The following VCL variants were observed in gnomAD, a reference collection of about 807,000 sequenced individuals.
VCL encodes epididymis luminal protein 114.
Under a neutral mutation model 125.7 loss-of-function variants are expected in VCL, and 47 were observed. The observed-to-expected ratio is 0.37, with a 90% CI of 0.30 to 0.48. The LOEUF (loss-of-function observed/expected upper bound fraction) is 0.48, where lower values mean the gene tolerates loss of function less well. Among genes scored for constraint, VCL ranks in the 20% least tolerant of loss-of-function variants. The probability of loss-of-function intolerance (pLI) is 0.99; values close to 1 mark genes in which losing one functional copy is unlikely to be tolerated. For missense variants in VCL, 1,069 were observed against 1,455.5 expected, an observed-to-expected ratio of 0.73 and a Z score of 4.32; for synonymous variants, 458 against 514.6, an observed-to-expected ratio of 0.89 and a Z score of 1.49.
intron 17 of VCL, among the ~76,000 whole-genome samples, chr10:74,108,064 A>G (rs1386981208): frequency 6.6e-6 from 1 of 152,208 alleles, no homozygotes; most frequent in Non-Finnish European, 1.5e-5. Flanking sequence ...TAATGTCAGT[A>G]AAAGATGTTA....
At position 74,105,192 on chromosome 10, in the gene VCL, G is replaced by A. The variant is rs371970354; in HGVS notation, c.2273G>A (p.Arg758His). The A allele has an allele frequency of 2.5e-5, 41 of 1,614,022 alleles. No homozygotes were observed. The highest frequency in any genetic ancestry group is 6.7e-5 in the Admixed American group (4 of 60,004). The change falls in exon 16 of 22, where the codon CGT becomes CAT. Residue 758 changes from arginine to histidine, a missense_variant. Transcript: ENST00000211998. ...GTTGCTGGGGCAACCAGTATTGCTC[G>A]TCGGGCCAACCGGATCCTGCTGGTG... ...MLVAGATSIA[R>H]RANRILLVAK...
chr10:74,042,425 C>T lies in VCL; in HGVS notation c.169-658C>T, dbSNP rs377750054. 4.6e-5 allele frequency among the ~76,000 whole-genome samples: 7 copies of T among 151,982 alleles called. No homozygotes were observed. The East Asian group carries it at 7.7e-4, about 17-fold the overall frequency. ...TCCCAGGTATGACTTTTTTTATGTCCGCTAACAAATTCTAGCAAGTGATTT... is the reference window on the plus strand; with the variant it reads ...TCCCAGGTATGACTTTTTTTATGTCTGCTAACAAATTCTAGCAAGTGATTT... On this transcript the variant is annotated intron_variant, in intron 1 of 21. Coordinates refer to ENST00000211998, the MANE Select transcript of VCL (RefSeq NM_014000.3).
At chr10:74,019,920 G>A (rs71471657) in intron 1 of VCL, among the ~76,000 whole-genome samples, 3,607 of 151,974 alleles carry the variant, frequency 0.024, 69 homozygotes, top group Non-Finnish European at 0.04. Flanking sequence ...AAAATTAGCC[G>A]GGCGTGGTGG....
intron 8 of VCL, among the ~76,000 whole-genome samples, chr10:74,084,016 G>A (rs1564526520): frequency 6.6e-6 from 1 of 152,148 alleles, no homozygotes; most frequent in South Asian, 2.1e-4. Context: ...ATAGGCGCCC[G>A]CCACCACGAC....
chr10:74,014,531 G>A (rs1221670515), intron 1 of VCL, among the ~76,000 whole-genome samples: 1 of 149,796 alleles, frequency 6.7e-6, no homozygotes, highest in African/African-American at 2.5e-5. Flanking sequence ...CACTATGCCC[G>A]GCCAGTGTCC....
intron 1 of VCL, among the ~76,000 whole-genome samples, chr10:74,021,835 T>A (rs1840673796): frequency 6.6e-6 from 1 of 151,726 alleles, no homozygotes. Context: ...ATTCCTCTTC[T>A]TTTTTTTTCC....
chr10:74,008,135 G>A (rs542429688), intron 1 of VCL, among the ~76,000 whole-genome samples: 2 of 152,200 alleles, frequency 1.3e-5, no homozygotes, highest in African/African-American at 4.8e-5. Context: ...CATATGCATA[G>A]CATTTATTTT....
At chr10:74,017,289 C>T (rs1232731347) in intron 1 of VCL, among the ~76,000 whole-genome samples, 4 of 151,674 alleles carry the variant, frequency 2.6e-5, no homozygotes, top group East Asian at 1.9e-4. Context: ...CCTCGTGATC[C>T]GCCCGCCTCG....
Position 74,009,215 on chromosome 10 carries a change from TTC to T in VCL, c.168+10841_168+10842del, listed in dbSNP as rs202191446. Among the ~76,000 whole-genome samples, 17 of 75,016 alleles carry T rather than the reference TTC, an allele frequency of 2.3e-4. 1 individual carries two copies. Among genetic ancestry groups the T allele is most frequent in the African/African-American group, 7.2e-4 (12 of 16,768 alleles). 49.2% of individuals were successfully genotyped at this position (75,016 alleles called of 152,430 possible). ...TCAAATTGTCTAGGTGGCTGCTGCTTTCCCCCCCCCCCCCCGAGCCATTTTAG... is the reference window on the plus strand; with the variant it reads ...TCAAATTGTCTAGGTGGCTGCTGCTTCCCCCCCCCCCCCGAGCCATTTTAG... On this transcript the variant is annotated intron_variant, in intron 1 of 21. Transcript: ENST00000211998.
chr10:74,030,766 G>A (rs1354253125), intron 1 of VCL, among the ~76,000 whole-genome samples: 4 of 152,146 alleles, frequency 2.6e-5, no homozygotes, highest in African/African-American at 9.7e-5. Flanking sequence ...TTGGATCTTT[G>A]TGAAATTTCT....
intron 1 of VCL, among the ~76,000 whole-genome samples, chr10:74,031,294 G>T (rs1840869455): frequency 6.6e-6 from 1 of 151,952 alleles, no homozygotes; most frequent in Admixed American, 6.6e-5. Context: ...GTAAAGGTTA[G>T]TCTCTGTATC....
chr10:74,011,737 T>G (rs143404068), intron 1 of VCL, among the ~76,000 whole-genome samples: 2,750 of 152,320 alleles, frequency 0.018, 42 homozygotes, highest in Non-Finnish European at 0.03. Context: ...ATAAACGATA[T>G]TATATTGTGT....
chr10:74,087,503 C>T (rs1339589918), intron 8 of VCL, among the ~76,000 whole-genome samples: 6 of 143,054 alleles, frequency 4.2e-5, no homozygotes, highest in South Asian at 2.2e-4. Flanking sequence ...CCTGCCACCA[C>T]GCCTGGCTAA....
At chr10:74,038,801 A>C (rs1033390837) in intron 1 of VCL, among the ~76,000 whole-genome samples, 2 of 152,236 alleles carry the variant, frequency 1.3e-5, no homozygotes, top group African/African-American at 4.8e-5. Context: ...TGCCTGGTGT[A>C]GCCATGATTG....
intron 1 of VCL, among the ~76,000 whole-genome samples, chr10:74,023,208 A>G (rs1840705629): frequency 6.6e-6 from 1 of 152,196 alleles, no homozygotes; most frequent in African/African-American, 2.4e-5. Context: ...GTACCATAAG[A>G]TAATAATATA....
At chr10:74,021,298 AC>A (rs562019699) in intron 1 of VCL, among the ~76,000 whole-genome samples, 1 of 150,632 alleles carries the variant, frequency 6.6e-6, no homozygotes, top group South Asian at 2.1e-4. Context: ...CCTTTCTCTG[AC>A]CCCCCTACCC....
At chr10:74,044,091 A>G (rs1460317707) in intron 2 of VCL, among the ~76,000 whole-genome samples, 2 of 151,884 alleles carry the variant, frequency 1.3e-5, no homozygotes, top group Non-Finnish European at 2.9e-5. Flanking sequence ...AGTCTGGGTG[A>G]CAGAGCGGGA....
intron 1 of VCL, among the ~76,000 whole-genome samples, chr10:74,017,980 G>A (rs904318457): frequency 6.6e-6 from 1 of 150,720 alleles, no homozygotes; most frequent in Non-Finnish European, 1.5e-5. Flanking sequence ...GCAACATGAC[G>A]AAACTCCTTC....
rs1021190626 is a variant in VCL at position 74,014,566 on chromosome 10, GAAAAA to G, written c.168+16194_168+16198del. On this transcript the variant is annotated intron_variant, in intron 1 of 21. Transcript: ENST00000211998. ...CTATTTTCTTAAAAAAAAAAAAAAA[GAAAAA>G]AAGCAAAACGAAAATCCCAAAGAGG... 2.0e-5 allele frequency among the ~76,000 whole-genome samples: 3 copies of G among 147,836 alleles called. No homozygotes were observed. In the Admixed American group the frequency reaches 2.0e-4, roughly 10 times the overall value.
Sources: allele counts gnomAD v4.1 joint callset (sites outside exome capture counted in the v4.1 genomes callset), GRCh38; gene constraint gnomAD v4.1.1; transcripts MANE v1.5; gene names NCBI Gene and HGNC (gene_info 2026-07-23, HGNC 2026-07-21).